DENND5B: variants seen among roughly 807,000 people sequenced by gnomAD.
DENND5B encodes DENN domain containing 5B, also known as DENN domain-containing protein 5B.
DENND5B carries 34 observed loss-of-function variants against 140.6 expected under a neutral mutation model. That is an observed-to-expected ratio of 0.24 (90% CI 0.18 to 0.32). DENND5B has a LOEUF of 0.32. DENND5B is among the 10% of genes least tolerant of loss of function. The pLI is 1.00. For missense variants in DENND5B, 1,142 were observed against 1,560.2 expected (o/e 0.73, Z 4.52); for synonymous variants, 551 against 562.1 (o/e 0.98, Z 0.28).
At chr12:31,576,753 T>C (rs1950030759) in intron 1 of DENND5B, among the ~76,000 whole-genome samples, 1 of 151,894 alleles carries the variant, frequency 6.6e-6, no homozygotes, top group Admixed American at 6.6e-5. Context: ...TAGCTGGTCA[T>C]GGTGGCGCAC....
intron 1 of DENND5B, among the ~76,000 whole-genome samples, chr12:31,576,509 G>C (rs1950024000): frequency 6.6e-6 from 1 of 151,114 alleles, no homozygotes; most frequent in South Asian, 2.1e-4. Context: ...AAGAGAGAAA[G>C]AAAAGAAAAA....
intron 3 of DENND5B, chr12:31,477,739 C>G (rs1363670587): frequency 5.5e-6 from 1 of 182,804 alleles, no homozygotes; most frequent in African/African-American, 2.4e-5. Context: ...AAAAAGGTGT[C>G]CATATTGGGA....
At chr12:31,558,185 C>T (rs927388850) in intron 1 of DENND5B, among the ~76,000 whole-genome samples, 1 of 152,170 alleles carries the variant, frequency 6.6e-6, no homozygotes, top group Non-Finnish European at 1.5e-5. Context: ...GTATCAAAGA[C>T]CAGACAGTTT....
intron 1 of DENND5B, among the ~76,000 whole-genome samples, chr12:31,584,513 T>C (rs1950324904): frequency 6.6e-6 from 1 of 152,216 alleles, no homozygotes; most frequent in Admixed American, 6.5e-5. Flanking sequence ...GGCTGGGTAG[T>C]CTATAAAGAA....
rs1223481557 is a variant in DENND5B, at chr12:31,397,549, C to CAAAAAAAAAAAAA, written c.3256+613_3256+625dup. 3.9e-4 allele frequency among the ~76,000 whole-genome samples: 19 copies of CAAAAAAAAAAAAA among 49,316 alleles called. 5 individuals carry two copies. The highest frequency in any genetic ancestry group is 5.4e-4 in the Non-Finnish European group (16 of 29,896). 32.4% of individuals were successfully genotyped at this position (49,316 alleles called of 152,430 possible). ...GGTGACAGAGTGAGATTCCATCTCA[C>CAAAAAAAAAAAAA]AAAAAAAAAAAAAAAAAAAAAAAAG... On this transcript the variant is annotated intron_variant, in intron 17 of 20. Transcript: ENST00000389082.
chr12:31,550,587 G>A (rs550157034), intron 1 of DENND5B, among the ~76,000 whole-genome samples: 164 of 152,002 alleles, frequency 1.1e-3, no homozygotes, highest in African/African-American at 3.5e-3. Context: ...GCCAGTAATG[G>A]GATGTCTGGG....
At chr12:31,458,335 T>C (rs984372453) in intron 4 of DENND5B, among the ~76,000 whole-genome samples, 1 of 152,214 alleles carries the variant, frequency 6.6e-6, no homozygotes, top group Middle Eastern at 3.2e-3. Flanking sequence ...ACATACAAAA[T>C]AGATCAGTCA....
At chr12:31,520,925 T>C (rs192786624) in intron 1 of DENND5B, among the ~76,000 whole-genome samples, 10 of 152,228 alleles carry the variant, frequency 6.6e-5, no homozygotes, top group Non-Finnish European at 1.2e-4. Context: ...AAAATATTGC[T>C]CCAACATGTA....
rs765969174 is a variant in DENND5B, at chr12:31,556,685, CAAGAA to C, written c.127+34016_127+34020del. Among the ~76,000 whole-genome samples the C allele has an allele frequency of 6.6e-5, 10 of 152,174 alleles. No individual in the cohort carries two copies. In the South Asian group the frequency reaches 1.2e-3, roughly 19 times the overall value. ...TTAAATAAAAAATAAAAATAGAAAA[CAAGAA>C]AAGAAACCTATTGTTTACAGAATAA... On this transcript the variant is annotated intron_variant, in intron 1 of 20. Transcript: ENST00000389082.
intron 1 of DENND5B, among the ~76,000 whole-genome samples, chr12:31,575,507 A>T (rs937216304): frequency 2.6e-5 from 4 of 152,232 alleles, no homozygotes; most frequent in Non-Finnish European, 4.4e-5. Context: ...CAGCAATAAA[A>T]AATTGATATA....
intron 1 of DENND5B, among the ~76,000 whole-genome samples, chr12:31,565,453 C>T (rs1365426197): frequency 1.3e-5 from 2 of 152,176 alleles, no homozygotes; most frequent in African/African-American, 2.4e-5. Flanking sequence ...TATGTGGATG[C>T]CTCTGGTCGC....
chr12:31,488,116 C>T lies in DENND5B; in HGVS notation c.237+7694G>A, dbSNP rs117470850. Reference sequence around the variant, plus strand: ...GATTACAAGTGTGTGCGATTATAGGCGTGCATACCCGGCTATTTTTTTTTT... The same window carrying T: ...GATTACAAGTGTGTGCGATTATAGGTGTGCATACCCGGCTATTTTTTTTTT... On this transcript the variant is annotated intron_variant, in intron 2 of 20. Coordinates refer to ENST00000389082, the MANE Select transcript of DENND5B (RefSeq NM_144973.4). Among the ~76,000 whole-genome samples the T allele has an allele frequency of 4.1e-4, 60 of 144,864 alleles. 1 individual carries two copies. The East Asian group carries it at 8.7e-3, about 21-fold the overall frequency.
intron 10 of DENND5B, 114 bp downstream of exon 10, chr12:31,424,421 G>T: frequency 3.1e-6 from 4 of 1,306,948 alleles, no homozygotes; most frequent in South Asian, 1.9e-5. Context: ...CATTTTTCTA[G>T]TCCCCTTGTG....
chr12:31,579,330 C>G (rs1156961727), intron 1 of DENND5B, among the ~76,000 whole-genome samples: 1 of 152,158 alleles, frequency 6.6e-6, no homozygotes, highest in Admixed American at 6.6e-5. Flanking sequence ...GAGTTCTTAC[C>G]TCCTCACACT....
chr12:31,529,039 G>A (rs1027853748), intron 1 of DENND5B, among the ~76,000 whole-genome samples: 1 of 151,682 alleles, frequency 6.6e-6, no homozygotes, highest in Non-Finnish European at 1.5e-5. Context: ...GCGGGTGCCT[G>A]TAATCCCAGC....
At chr12:31,528,989 C>T (rs74628245) in intron 1 of DENND5B, among the ~76,000 whole-genome samples, 1,724 of 151,692 alleles carry the variant, frequency 0.011, 19 homozygotes, top group East Asian at 0.032. Context: ...GGTGAAACCC[C>T]GTCTCTACTA....
chr12:31,495,807 T>C lies in DENND5B; in HGVS notation c.237+3A>G. On this transcript the variant is annotated splice_donor_region_variant and intron_variant, in intron 2 of 20. Transcript: ENST00000389082. Reference sequence around the variant, plus strand: ...AGTAAATGAGGGGAAAAAAAACACATACCATGTTCACCGCATCTTGATCAA... The same window carrying C: ...AGTAAATGAGGGGAAAAAAAACACACACCATGTTCACCGCATCTTGATCAA... 1.2e-6 allele frequency: 2 copies of C among 1,601,118 alleles called. No individual in the cohort carries two copies. Among genetic ancestry groups the C allele is most frequent in the Non-Finnish European group, 8.5e-7 (1 of 1,173,296 alleles).
chr12:31,436,881 T>C (rs1260981155), intron 7 of DENND5B, among the ~76,000 whole-genome samples: 3 of 152,134 alleles, frequency 2.0e-5, no homozygotes, highest in Non-Finnish European at 4.4e-5. Flanking sequence ...AAATAAGTTC[T>C]GTCACCTCTG....
chr12:31,581,641 C>T (rs1950211304), intron 1 of DENND5B, among the ~76,000 whole-genome samples: 1 of 143,472 alleles, frequency 7.0e-6, no homozygotes, highest in South Asian at 2.2e-4. Context: ...TGCGGTGAGC[C>T]GAGATCACAC....
Sources: allele counts gnomAD v4.1 joint callset (sites outside exome capture counted in the v4.1 genomes callset), GRCh38; gene constraint gnomAD v4.1.1; transcripts MANE v1.5; gene names NCBI Gene and HGNC (gene_info 2026-07-23, HGNC 2026-07-21).